GPC6: variants seen among roughly 807,000 people sequenced by gnomAD.
The protein encoded by GPC6 is glypican 6.
A neutral mutation model predicts 55.2 loss-of-function variants in GPC6; 14 were observed. That is an observed-to-expected ratio of 0.25 (90% confidence interval 0.17 to 0.40). GPC6 has a LOEUF of 0.40. GPC6 is among the 10% of genes least tolerant of loss of function. GPC6 has a pLI of 1.00. For missense variants in GPC6, 641 were observed against 708.5 expected (o/e 0.90, Z 1.08); for synonymous variants, 278 against 259.6 (o/e 1.07, Z -0.68).
chr13:94,288,930 T>TAGATAGATAGATAG (rs1566638339), intron 5 of GPC6, among the ~76,000 whole-genome samples: 1 of 108,214 alleles, frequency 9.2e-6, no homozygotes, highest in African/African-American at 4.8e-5. Flanking sequence ...ATATAACAAA[T>TAGATAGATAGATAG]ATAGATAGAT....
chr13:94,358,110 T>C (rs957083234), intron 6 of GPC6, among the ~76,000 whole-genome samples: 33 of 151,938 alleles, frequency 2.2e-4, no homozygotes, highest in African/African-American at 7.5e-4. Flanking sequence ...ACCAGTATGG[T>C]GAAACCCCAT....
chr13:93,844,101 G>A (rs1012096617), intron 3 of GPC6, among the ~76,000 whole-genome samples: 14 of 152,048 alleles, frequency 9.2e-5, no homozygotes, highest in Non-Finnish European at 1.9e-4. Flanking sequence ...AACTTGCAAA[G>A]TCTCCTTTAA....
At chr13:93,835,519 G>A (rs542027870) in intron 3 of GPC6, among the ~76,000 whole-genome samples, 2 of 152,250 alleles carry the variant, frequency 1.3e-5, no homozygotes, top group East Asian at 1.9e-4. Context: ...TTGGGAGGCC[G>A]AGACAGGCAG....
At chr13:93,347,411 T>C (rs1037747662) in intron 1 of GPC6, among the ~76,000 whole-genome samples, 1 of 152,146 alleles carries the variant, frequency 6.6e-6, no homozygotes, top group Admixed American at 6.6e-5. Flanking sequence ...GTGAAATGCA[T>C]AGCCCTATCA....
intron 4 of GPC6, among the ~76,000 whole-genome samples, chr13:94,116,577 C>G (rs1194762032): frequency 6.6e-6 from 1 of 152,048 alleles, no homozygotes; most frequent in African/African-American, 2.4e-5. Flanking sequence ...TCATATTATC[C>G]TGCCTCCTTA....
At chr13:93,793,671 A>G (rs1566538846) in intron 2 of GPC6, among the ~76,000 whole-genome samples, 1 of 152,324 alleles carries the variant, frequency 6.6e-6, no homozygotes, top group Admixed American at 6.5e-5. Context: ...ATTCCTAATA[A>G]CTACTTTTAT....
At chr13:93,951,608 T>A (rs949613755) in intron 3 of GPC6, among the ~76,000 whole-genome samples, 2 of 152,124 alleles carry the variant, frequency 1.3e-5, no homozygotes, top group African/African-American at 4.8e-5. Flanking sequence ...TTCTATCACC[T>A]TAGAAGCAGT....
intron 2 of GPC6, among the ~76,000 whole-genome samples, chr13:93,798,776 G>A (rs996881333): frequency 2.6e-5 from 4 of 151,884 alleles, no homozygotes; most frequent in Non-Finnish European, 5.9e-5. Flanking sequence ...AAAATTAGCA[G>A]GGCATGGTGG....
rs536394031 is a variant in GPC6 at position 93,876,188 on chromosome 13, A to G, written c.711+45643A>G. 4.2e-3 allele frequency among the ~76,000 whole-genome samples: 420 copies of G among 101,098 alleles called. 4 individuals are homozygous for G. Among genetic ancestry groups the G allele is most frequent in the African/African-American group, 0.01 (396 of 37,864 alleles). The allele number at this position is 101,098 out of a possible 152,430, so 66.3% of individuals were successfully genotyped here. A position where few individuals can be genotyped will look rare whatever the true frequency, so the allele number is the denominator to read the frequency against. ...GCACTCTTTTTGTGCATTGCTTCAT[A>G]TAATAAATGCTTCATATAATAAATG... On this transcript the variant is annotated intron_variant, in intron 3 of 8. Coordinates refer to ENST00000377047, the MANE Select transcript of GPC6 (RefSeq NM_005708.5).
chr13:93,837,125 A>G (rs1304148209), intron 3 of GPC6, among the ~76,000 whole-genome samples: 2 of 152,196 alleles, frequency 1.3e-5, no homozygotes, highest in Non-Finnish European at 2.9e-5. Flanking sequence ...GAAGCTATCT[A>G]TTTCCAATGA....
intron 1 of GPC6, among the ~76,000 whole-genome samples, chr13:93,286,299 T>A (rs1311296775): frequency 1.3e-5 from 2 of 152,176 alleles, no homozygotes; most frequent in African/African-American, 4.8e-5. Flanking sequence ...CACGATTCAG[T>A]GATCTCCACC....
chr13:93,873,938 G>A (rs1889210563), intron 3 of GPC6, among the ~76,000 whole-genome samples: 1 of 151,862 alleles, frequency 6.6e-6, no homozygotes, highest in Non-Finnish European at 1.5e-5. Flanking sequence ...CATCTCCACT[G>A]CTCCACCTTA....
At chr13:93,412,301 A>G (rs978288318) in intron 1 of GPC6, among the ~76,000 whole-genome samples, 5 of 152,186 alleles carry the variant, frequency 3.3e-5, no homozygotes, top group African/African-American at 1.2e-4. Context: ...AATAGTATTA[A>G]TAAATTCCAG....
chr13:94,049,140 C>G (rs1166288085), intron 4 of GPC6, among the ~76,000 whole-genome samples: 1 of 151,808 alleles, frequency 6.6e-6, no homozygotes, highest in Non-Finnish European at 1.5e-5. Context: ...GTAATCTCAG[C>G]TACTTGGAGG....
chr13:94,306,669 C>T (rs1875964331), intron 6 of GPC6, among the ~76,000 whole-genome samples: 1 of 151,962 alleles, frequency 6.6e-6, no homozygotes, highest in Non-Finnish European at 1.5e-5. Context: ...AGATGTGTGT[C>T]AGGGGACTTA....
chr13:93,833,083 A>ATGGC (rs1887582034), intron 3 of GPC6, among the ~76,000 whole-genome samples: 1 of 141,260 alleles, frequency 7.1e-6, no homozygotes, highest in African/African-American at 2.5e-5. Context: ...GGATGGATGG[A>ATGGC]TGGATGGGTA....
chr13:94,288,842 CAAA>C (rs1874720082), intron 5 of GPC6, among the ~76,000 whole-genome samples: 1 of 61,982 alleles, frequency 1.6e-5, no homozygotes, highest in Non-Finnish European at 3.2e-5. Context: ...TTATATATAA[CAAA>C]TATATATAAT....
intron 4 of GPC6, among the ~76,000 whole-genome samples, chr13:94,079,567 A>G (rs1885035471): frequency 6.6e-6 from 1 of 152,166 alleles, no homozygotes; most frequent in Admixed American, 6.5e-5. Context: ...TAATGCAAAA[A>G]TGTTTCTGCG....
At chr13:94,157,326 G>A (rs1168440781) in intron 4 of GPC6, among the ~76,000 whole-genome samples, 1 of 152,128 alleles carries the variant, frequency 6.6e-6, no homozygotes, top group African/African-American at 2.4e-5. Context: ...AAGCTCAAAG[G>A]AAGGTAAAAA....
Sources: allele counts gnomAD v4.1 joint callset (sites outside exome capture counted in the v4.1 genomes callset), GRCh38; gene constraint gnomAD v4.1.1; transcripts MANE v1.5; gene names NCBI Gene and HGNC (gene_info 2026-07-23, HGNC 2026-07-21).